RSU1: variants seen among roughly 807,000 people sequenced by gnomAD.
The protein encoded by RSU1 is Ras suppressor protein 1.
A neutral mutation model predicts 31.1 loss-of-function variants in RSU1; 26 were observed. The ratio of observed to expected loss-of-function variants is 0.84; its 90% CI spans 0.61 to 1.16. The LOEUF (loss-of-function observed/expected upper bound fraction) is 1.16, where lower values mean the gene tolerates loss of function less well. RSU1 is among the 50% of genes most tolerant of loss of function. RSU1 has a pLI of 0.00. For missense variants in RSU1, 320 were observed against 339.1 expected (o/e 0.94, Z 0.44); for synonymous variants, 164 against 136.3 (o/e 1.20, Z -1.41).
At chr10:16,691,217 C>G (rs1386547116) in intron 8 of RSU1, among the ~76,000 whole-genome samples, 1 of 151,930 alleles carries the variant, frequency 6.6e-6, no homozygotes, top group Non-Finnish European at 1.5e-5. Flanking sequence ...CTAAAAATCC[C>G]CTAATTATGA....
At chr10:16,664,388 G>T (rs762220553) in intron 8 of RSU1, among the ~76,000 whole-genome samples, 3 of 152,176 alleles carry the variant, frequency 2.0e-5, no homozygotes, top group Non-Finnish European at 4.4e-5. Flanking sequence ...GATATTTCTG[G>T]AGGCTTAAAA....
chr10:16,711,446 CTT>C (rs1479215767), intron 7 of RSU1, among the ~76,000 whole-genome samples: 2 of 151,984 alleles, frequency 1.3e-5, no homozygotes, highest in African/African-American at 2.4e-5. Flanking sequence ...TCAGTTTGTT[CTT>C]GTTTTTCTAG....
At chr10:16,816,728 CAG>C (rs1383768383) in intron 2 of RSU1, among the ~76,000 whole-genome samples, 2 of 152,200 alleles carry the variant, frequency 1.3e-5, no homozygotes. Flanking sequence ...TGCCATACAG[CAG>C]AGACAACCGA....
At chr10:16,617,729 G>A (rs1388929018) in intron 8 of RSU1, among the ~76,000 whole-genome samples, 1 of 152,012 alleles carries the variant, frequency 6.6e-6, no homozygotes, top group Non-Finnish European at 1.5e-5. Context: ...AAAAGCCATG[G>A]GGAAAGGATT....
At chr10:16,796,168 G>A (rs1173311325) in intron 2 of RSU1, among the ~76,000 whole-genome samples, 2 of 152,046 alleles carry the variant, frequency 1.3e-5, no homozygotes, top group Non-Finnish European at 2.9e-5. Flanking sequence ...AACATGATTT[G>A]GTCTCGTAGG....
chr10:16,777,915 G>C (rs962456945), intron 3 of RSU1, among the ~76,000 whole-genome samples: 3 of 152,012 alleles, frequency 2.0e-5, no homozygotes, highest in African/African-American at 4.8e-5. Flanking sequence ...CCCTGGCTGC[G>C]AGTCCTTTGT....
intron 7 of RSU1, among the ~76,000 whole-genome samples, chr10:16,743,137 T>A (rs565095931): frequency 2.0e-5 from 3 of 152,188 alleles, no homozygotes; most frequent in African/African-American, 7.2e-5. Context: ...CAAAGTTGGG[T>A]ACAAATATTC....
intron 2 of RSU1, among the ~76,000 whole-genome samples, chr10:16,797,102 A>G (rs1838054485): frequency 6.6e-6 from 1 of 152,184 alleles, no homozygotes; most frequent in Admixed American, 6.5e-5. Flanking sequence ...GGTCTGATGG[A>G]TTAGGACAAG....
chr10:16,784,978 C>CT (rs1837741058), intron 2 of RSU1, among the ~76,000 whole-genome samples: 1 of 152,182 alleles, frequency 6.6e-6, no homozygotes, highest in East Asian at 1.9e-4. Context: ...CATGAGAACT[C>CT]TATCACTATA....
intron 8 of RSU1, among the ~76,000 whole-genome samples, chr10:16,635,964 G>T (rs1270466249): frequency 1.3e-5 from 2 of 152,114 alleles, no homozygotes; most frequent in African/African-American, 4.8e-5. Context: ...AACTCCCTTG[G>T]TTTCCAGGAC....
At chr10:16,805,602 G>A (rs1838250112) in intron 2 of RSU1, among the ~76,000 whole-genome samples, 1 of 150,738 alleles carries the variant, frequency 6.6e-6, no homozygotes, top group Non-Finnish European at 1.5e-5. Context: ...CGTGAACCCG[G>A]GAGGCGGAGC....
chr10:16,592,781 T>TTTCA lies in RSU1; in HGVS notation c.*609_*612dup, dbSNP rs2131447107. The TTTCA allele has an allele frequency of 6.6e-6, 1 of 152,390 alleles. No homozygotes were observed. Among genetic ancestry groups the TTTCA allele is most frequent in the Admixed American group, 6.5e-5 (1 of 15,312 alleles). The allele number at this position is 152,390 out of a possible 1,614,324, so 9.4% of individuals were successfully genotyped here. A position where few individuals can be genotyped will look rare whatever the true frequency, so the allele number is the denominator to read the frequency against. ...GAACTGTGATTTAATTTTGCATTTC[T>TTTCA]TTCATGAAAAGTTTATCATGTATAA... is the stretch of plus-strand genomic sequence containing the variant. On this transcript the variant is annotated 3_prime_UTR_variant, in exon 9 of 9. Transcript: ENST00000345264.
chr10:16,688,034 G>A (rs73604803), intron 8 of RSU1, among the ~76,000 whole-genome samples: 3 of 152,008 alleles, frequency 2.0e-5, no homozygotes, highest in Admixed American at 2.0e-4. Flanking sequence ...TCAAAAGTTA[G>A]TATTACATAT....
chr10:16,764,640 C>T lies in RSU1; in HGVS notation c.161-130G>A, dbSNP rs374843778. 8 of 942,228 alleles carry T rather than the reference C, an allele frequency of 8.5e-6. No homozygotes were observed. The East Asian group carries it at 1.6e-4, about 18-fold the overall frequency. The allele number at this position is 942,228 out of a possible 1,614,324, so 58.4% of individuals were successfully genotyped here. ...TCAAAAGGGCCATCGAATTCACCTA[C>T]CGGTCTTATTTATTTTTTACAGGTT... On this transcript the variant is annotated intron_variant, in intron 3 of 8. Transcript: ENST00000345264.
At chr10:16,638,583 GT>G (rs1834387790) in intron 8 of RSU1, among the ~76,000 whole-genome samples, 1 of 152,170 alleles carries the variant, frequency 6.6e-6, no homozygotes, top group Admixed American at 6.5e-5. Context: ...TGAGAGGTTC[GT>G]TTTGGATGAG....
intron 8 of RSU1, among the ~76,000 whole-genome samples, chr10:16,627,552 G>C (rs1017406562): frequency 6.6e-6 from 1 of 151,962 alleles, no homozygotes; most frequent in Non-Finnish European, 1.5e-5. Context: ...TTAGGAGTTC[G>C]AGACCAGCCT....
At chr10:16,724,837 G>A (rs1470665664) in intron 7 of RSU1, among the ~76,000 whole-genome samples, 1 of 152,190 alleles carries the variant, frequency 6.6e-6, no homozygotes, top group Non-Finnish European at 1.5e-5. Context: ...CATATCATGG[G>A]AGCAAGGAAA....
chr10:16,642,329 T>C lies in RSU1; in HGVS notation c.732-48833A>G, dbSNP rs143140161. Among the ~76,000 whole-genome samples, 447 of 152,318 alleles carry C rather than the reference T, an allele frequency of 2.9e-3. 4 individuals are homozygous for C. The highest frequency in any genetic ancestry group is 0.01 in the African/African-American group (422 of 41,566). ...GAGAAGCTGTAGAAAAACAACGTGCTGCTCTGCGGAGACCCACAGAGGGCA... is the reference window on the plus strand; with the variant it reads ...GAGAAGCTGTAGAAAAACAACGTGCCGCTCTGCGGAGACCCACAGAGGGCA... On this transcript the variant is annotated intron_variant, in intron 8 of 8. Coordinates refer to ENST00000345264, the MANE Select transcript of RSU1 (RefSeq NM_012425.4).
chr10:16,778,672 G>T (rs894534576), intron 3 of RSU1, among the ~76,000 whole-genome samples: 4 of 152,168 alleles, frequency 2.6e-5, no homozygotes, highest in African/African-American at 9.7e-5. Context: ...AGGGGAGGAT[G>T]GGGAGAGGCT....
Sources: gnomAD v4.1 joint callset for allele counts (sites outside exome capture counted in the v4.1 genomes callset) on GRCh38, gnomAD v4.1.1 for gene constraint, MANE v1.5 for transcripts, NCBI Gene and HGNC (gene_info 2026-07-23, HGNC 2026-07-21) for gene names.